Variants in SMARCA2 observed in about 807,000 individuals in gnomAD.
The protein encoded by SMARCA2 is SWI/SNF-related matrix-associated actin-dependent regulator of chromatin subfamily A member 2.
Under a neutral mutation model 199.8 loss-of-function variants are expected in SMARCA2, and 61 were observed. The observed-to-expected ratio is 0.31, with a 90% CI of 0.25 to 0.38. SMARCA2 has a LOEUF of 0.38. SMARCA2 is among the 10% of genes least tolerant of loss of function. The probability of loss-of-function intolerance (pLI) is 1.00; values close to 1 mark genes in which losing one functional copy is unlikely to be tolerated. For synonymous variants in SMARCA2, 935 were observed against 732.0 expected, an observed-to-expected ratio of 1.28 and a Z score of -4.48; for missense variants, 1,344 against 2,012.2, an observed-to-expected ratio of 0.67 and a Z score of 6.35.
At chr9:2,125,589 A>C (rs1385257137) in intron 27 of SMARCA2, among the ~76,000 whole-genome samples, 2 of 150,936 alleles carry the variant, frequency 1.3e-5, no homozygotes, top group Non-Finnish European at 2.9e-5. Flanking sequence ...TACCGGGTTC[A>C]AGGGATTCTC....
At chr9:2,082,121 A>G in intron 15 of SMARCA2, 126 bp downstream of exon 15, 1 of 774,840 alleles carries the variant, frequency 1.3e-6, no homozygotes, top group Non-Finnish European at 2.1e-6. Flanking sequence ...CAGATTACCA[A>G]GAGCATGTAA....
rs550467145 is a variant in SMARCA2 at position 2,144,045 on chromosome 9, C to A, written c.3982-17641C>A. On this transcript the variant is annotated intron_variant, in intron 27 of 33. Coordinates refer to ENST00000349721, the MANE Select transcript of SMARCA2 (RefSeq NM_003070.5). ...CTAGTGCAATACAGAATCGTACATA[C>A]CCTTTTCATAGGGGAGCCGGGAGAT... Among the ~76,000 whole-genome samples the A allele has an allele frequency of 3.3e-5, 5 of 152,016 alleles. No individual in the cohort carries two copies. In the South Asian group the frequency reaches 1.0e-3, roughly 32 times the overall value.
At chr9:2,081,179 C>G (rs1022495919) in intron 14 of SMARCA2, among the ~76,000 whole-genome samples, 9 of 152,156 alleles carry the variant, frequency 5.9e-5, no homozygotes, top group African/African-American at 2.2e-4. Context: ...TTTCACCCAA[C>G]CTTACTTTTG....
chr9:2,027,917 C>A (rs901690287), intron 1 of SMARCA2: 2 of 152,204 alleles, frequency 1.3e-5, no homozygotes, highest in Non-Finnish European at 1.5e-5. Flanking sequence ...GCTATCTTGC[C>A]GGCATCATTG....
intron 27 of SMARCA2, among the ~76,000 whole-genome samples, chr9:2,142,450 C>G (rs1824509400): frequency 6.6e-6 from 1 of 152,134 alleles, no homozygotes; most frequent in Non-Finnish European, 1.5e-5. Context: ...TTGGTATTCT[C>G]TCTCTCTCTC....
rs982846000 is a variant in SMARCA2 at position 2,182,755 on chromosome 9, A to C, written c.4461+513A>C. 2.1e-4 allele frequency among the ~76,000 whole-genome samples: 32 copies of C among 151,158 alleles called. 1 individual carries two copies. The highest frequency in any genetic ancestry group is 7.5e-4 in the African/African-American group (31 of 41,114). On this transcript the variant is annotated intron_variant, in intron 31 of 33. Coordinates refer to ENST00000349721, the MANE Select transcript of SMARCA2 (RefSeq NM_003070.5). ...GGTGATCCGCCTGCCTCGGCCTCCC[A>C]AAGTGTTGGGATTACAGGCATGAGC... is the stretch of plus-strand genomic sequence containing the variant.
chr9:2,091,213 C>T (rs1285877942), intron 19 of SMARCA2, among the ~76,000 whole-genome samples: 2 of 152,048 alleles, frequency 1.3e-5, no homozygotes, highest in African/African-American at 2.4e-5. Context: ...TGTCATCATC[C>T]ACCGCTCCAA....
At chr9:2,097,494 G>T (rs1390375561) in intron 21 of SMARCA2, 23 bp downstream of exon 21, 8 of 1,427,164 alleles carry the variant, frequency 5.6e-6, no homozygotes, top group Non-Finnish European at 5.9e-6. Flanking sequence ...TGTGTGTTTT[G>T]AGCCTGATTG....
Position 2,016,286 on chromosome 9 carries a change from T to C in SMARCA2, c.-37+882T>C, listed in dbSNP as rs1818349876. On this transcript the variant is annotated intron_variant, in intron 1 of 33. Coordinates refer to ENST00000349721, the MANE Select transcript of SMARCA2 (RefSeq NM_003070.5). The surrounding 1 kb of genome is among the most constrained non-coding windows in gnomAD (Gnocchi z 5.6). ...GCGCTGCGGACGTCCCTGCCTCTGG[T>C]ACCTGGCGGCAGCGCAGGCTCGGGT... is the stretch of plus-strand genomic sequence containing the variant. 1 of 152,358 alleles carries C rather than the reference T, an allele frequency of 6.6e-6. No individual in the cohort carries two copies. The highest frequency in any genetic ancestry group is 2.4e-5 in the African/African-American group (1 of 41,440). 9.4% of individuals were successfully genotyped at this position (152,358 alleles called of 1,614,324 possible).
chr9:2,180,406 C>A (rs138757455), intron 29 of SMARCA2, among the ~76,000 whole-genome samples: 2 of 152,266 alleles, frequency 1.3e-5, no homozygotes, highest in Non-Finnish European at 2.9e-5. Context: ...TGATAACTGT[C>A]ATTATGATTA....
chr9:2,178,123 G>T (rs1356805089), intron 29 of SMARCA2, among the ~76,000 whole-genome samples: 1 of 151,978 alleles, frequency 6.6e-6, no homozygotes, highest in African/African-American at 2.4e-5. Flanking sequence ...TTGCACAGTG[G>T]TATGTGGCTC....
chr9:2,080,568 C>A (rs1029490590), intron 14 of SMARCA2, among the ~76,000 whole-genome samples: 1 of 152,180 alleles, frequency 6.6e-6, no homozygotes, highest in South Asian at 2.1e-4. Flanking sequence ...CTGTCTACCA[C>A]TGTTTGTTTT....
chr9:2,076,430 G>A (rs564224684), intron 13 of SMARCA2, 101 bp downstream of exon 13: 8 of 754,544 alleles, frequency 1.1e-5, no homozygotes, highest in Admixed American at 5.6e-5. Flanking sequence ...CTAACTTCAC[G>A]CCTACACTCT....
chr9:2,071,613 G>T (rs1285087551), intron 10 of SMARCA2, among the ~76,000 whole-genome samples: 2 of 152,118 alleles, frequency 1.3e-5, no homozygotes, highest in African/African-American at 4.8e-5. Context: ...TAACACACGT[G>T]TCCTGTTTGC....
chr9:2,184,294 G>GT (rs1827268749), intron 31 of SMARCA2, among the ~76,000 whole-genome samples: 1 of 151,348 alleles, frequency 6.6e-6, no homozygotes, highest in African/African-American at 2.4e-5. Flanking sequence ...AGTACAGAGA[G>GT]ATTCTGTGTA....
At chr9:2,185,981 C>A in intron 31 of SMARCA2, 115 bp from the exon 32 acceptor site, 2 of 1,025,382 alleles carry the variant, frequency 2.0e-6, no homozygotes, top group Non-Finnish European at 2.9e-6. Flanking sequence ...TAAAAGCTAA[C>A]GGTGACATTT....
intron 28 of SMARCA2, among the ~76,000 whole-genome samples, chr9:2,165,942 C>T (rs1825911581): frequency 6.6e-6 from 1 of 152,174 alleles, no homozygotes; most frequent in African/African-American, 2.4e-5. Flanking sequence ...TGTGGTCATC[C>T]ACCTCCATGT....
intron 27 of SMARCA2, among the ~76,000 whole-genome samples, chr9:2,124,455 G>C (rs1412135684): frequency 6.6e-6 from 1 of 152,196 alleles, no homozygotes; most frequent in South Asian, 2.1e-4. Flanking sequence ...GAGCTGGAAG[G>C]TACCTTTGTA....
At chr9:2,113,837 T>C (rs781656991) in intron 24 of SMARCA2, among the ~76,000 whole-genome samples, 31 of 152,230 alleles carry the variant, frequency 2.0e-4, no homozygotes, top group Non-Finnish European at 4.3e-4. Flanking sequence ...TGGACAAGGG[T>C]CAGCAATCTA....
Sources: gnomAD v4.1 joint callset for allele counts (sites outside exome capture counted in the v4.1 genomes callset) on GRCh38, gnomAD v4.1.1 for gene constraint, Gnocchi (gnomAD v3.1) non-coding constraint, MANE v1.5 for transcripts, NCBI Gene and HGNC (gene_info 2026-07-23, HGNC 2026-07-21) for gene names.